CDIP1: variants seen among roughly 807,000 people sequenced by gnomAD.
CDIP1 encodes the protein cell death inducing p53 target 1.
In CDIP1, 9 loss-of-function variants were observed where a neutral mutation model predicts 17.7. That is an observed-to-expected ratio of 0.51 (90% CI 0.31 to 0.89). The LOEUF (loss-of-function observed/expected upper bound fraction) is 0.89, where lower values mean the gene tolerates loss of function less well. Among genes scored for constraint, CDIP1 ranks in the 40% least tolerant of loss-of-function variants. The pLI is 0.05. For synonymous variants in CDIP1, 117 were observed against 109.5 expected, an observed-to-expected ratio of 1.07 and a Z score of -0.43; for missense variants, 263 against 277.9, an observed-to-expected ratio of 0.95 and a Z score of 0.38.
At position 4,514,054 on chromosome 16, in the gene CDIP1, G is replaced by T; in HGVS notation, c.77C>A (p.Pro26His). 1.3e-6 allele frequency: 2 copies of T among 1,514,966 alleles called. No homozygotes were observed. Among genetic ancestry groups the T allele is most frequent in the Non-Finnish European group, 1.8e-6 (2 of 1,137,602 alleles). The allele number at this position is 1,514,966 out of a possible 1,614,324, so 93.8% of individuals were successfully genotyped here. A position where few individuals can be genotyped will look rare whatever the true frequency, so the allele number is the denominator to read the frequency against. The change falls in exon 3 of 6, where the codon CCC (proline) becomes CAC (histidine). Residue 26 changes from proline (P) to histidine (H), a missense_variant. Pro to His is a moderately conservative substitution (Grantham distance 77). Coordinates refer to ENST00000567695, the MANE Select transcript of CDIP1 (RefSeq NM_013399.3). The surrounding 1 kb of genome is among the most constrained non-coding windows in gnomAD (Gnocchi z 5.2). ...GAACAGTGACCCCCTACCTGGGGTG[G>T]GCGGGGCTCCACTTTTCTCTTCCAG... The part of the protein sequence containing the change: ...PLLEEKSGAP[P>H]TPGRSSPAVM...
At chr16:4,537,110 C>T (rs951226008) in intron 1 of CDIP1, among the ~76,000 whole-genome samples, 1 of 152,144 alleles carries the variant, frequency 6.6e-6, no homozygotes, top group African/African-American at 2.4e-5. Flanking sequence ...ACCCAATAAA[C>T]AACAATTCTA....
At chr16:4,536,150 T>G (rs1267257722) in intron 1 of CDIP1, among the ~76,000 whole-genome samples, 1 of 152,188 alleles carries the variant, frequency 6.6e-6, no homozygotes, top group Non-Finnish European at 1.5e-5. Context: ...TTAACTACCA[T>G]ATTTCCCTGT....
chr16:4,531,956 C>A (rs147766888), intron 1 of CDIP1, among the ~76,000 whole-genome samples: 11 of 152,368 alleles, frequency 7.2e-5, no homozygotes, highest in African/African-American at 2.2e-4. Flanking sequence ...GGACACAGAA[C>A]GTGCTGTTTC....
Position 4,521,956 on chromosome 16 carries a change from TTTA to T in CDIP1, c.-104-7295_-104-7293del, listed in dbSNP as rs2058954489. ...TAAATGGAAACTGCTATTATTATGC[TTTA>T]TTAGGCAACTTCCAACAGGGAGGAA... On this transcript the variant is annotated intron_variant, in intron 1 of 5. Transcript: ENST00000567695. Among the ~76,000 whole-genome samples, 2 of 152,188 alleles carry T rather than the reference TTTA, an allele frequency of 1.3e-5. 1 individual carries two copies. Among genetic ancestry groups the T allele is most frequent in the Admixed American group, 1.3e-4 (2 of 15,268 alleles).
At chr16:4,532,509 G>C (rs754913878) in intron 1 of CDIP1, 9 of 152,292 alleles carry the variant, frequency 5.9e-5, no homozygotes, top group African/African-American at 2.2e-4. Context: ...TGGGTGAGCC[G>C]GGTCCTCTGG....
At chr16:4,519,801 C>T (rs1211648718) in intron 1 of CDIP1, among the ~76,000 whole-genome samples, 1 of 151,910 alleles carries the variant, frequency 6.6e-6, no homozygotes, top group Admixed American at 6.6e-5. Flanking sequence ...TTCTCACCCC[C>T]TCTCTCGCCA....
chr16:4,537,314 T>C (rs542296535), intron 1 of CDIP1, among the ~76,000 whole-genome samples: 2 of 152,338 alleles, frequency 1.3e-5, no homozygotes, highest in African/African-American at 4.8e-5. Flanking sequence ...TTTGTATGTT[T>C]CACGTTTTTC....
At chr16:4,517,752 A>AC (rs1567414845) in intron 1 of CDIP1, among the ~76,000 whole-genome samples, 3 of 151,552 alleles carry the variant, frequency 2.0e-5, no homozygotes, top group African/African-American at 7.3e-5. Context: ...AAAAACAAAA[A>AC]AAAAAAAAAC....
chr16:4,535,471 G>A (rs1176208647), intron 1 of CDIP1, among the ~76,000 whole-genome samples: 2 of 152,230 alleles, frequency 1.3e-5, no homozygotes, highest in Non-Finnish European at 2.9e-5. Context: ...TGCAGGCTCT[G>A]TATTGGTTTT....
chr16:4,518,659 A>T (rs2058913103), intron 1 of CDIP1, among the ~76,000 whole-genome samples: 1 of 152,204 alleles, frequency 6.6e-6, no homozygotes, highest in Non-Finnish European at 1.5e-5. Context: ...GCTCATGAAG[A>T]TTTCCCGAAT....
intron 1 of CDIP1, among the ~76,000 whole-genome samples, chr16:4,527,141 G>A (rs1187964932): frequency 1.3e-5 from 2 of 151,362 alleles, no homozygotes; most frequent in Admixed American, 1.3e-4. Context: ...AGGCTGGAGT[G>A]CAGTGGCGGG....
At chr16:4,529,174 A>T (rs1389696559) in intron 1 of CDIP1, among the ~76,000 whole-genome samples, 1 of 152,148 alleles carries the variant, frequency 6.6e-6, no homozygotes, top group Non-Finnish European at 1.5e-5. Flanking sequence ...TGGTCAAATG[A>T]GTCAGTTCTG....
chr16:4,514,270 G>A lies in CDIP1; in HGVS notation c.-14-126C>T, dbSNP rs545230154. ...CCATCCTCAGAAGGGTCTGCCTCCA[G>A]GCACTGGGGATCCCCCACCTTTCCC... is the stretch of plus-strand genomic sequence containing the variant. On this transcript the variant is annotated intron_variant, in intron 2 of 5. Transcript: ENST00000567695. The surrounding 1 kb of genome is among the most constrained non-coding windows in gnomAD (Gnocchi z 5.2). 1.8e-4 allele frequency: 104 copies of A among 588,154 alleles called. No individual in the cohort carries two copies. In the South Asian group the frequency reaches 2.4e-3, roughly 14 times the overall value. 36.4% of individuals were successfully genotyped at this position (588,154 alleles called of 1,614,324 possible).
chr16:4,527,853 G>T (rs1388220098), intron 1 of CDIP1, among the ~76,000 whole-genome samples: 1 of 152,122 alleles, frequency 6.6e-6, no homozygotes, highest in Non-Finnish European at 1.5e-5. Context: ...TCTCGCTCTT[G>T]TTGCCCAGGC....
At chr16:4,518,188 T>C (rs1238128675) in intron 1 of CDIP1, among the ~76,000 whole-genome samples, 4 of 151,912 alleles carry the variant, frequency 2.6e-5, no homozygotes, top group Non-Finnish European at 5.9e-5. Context: ...ACACACCCCA[T>C]CTCTGAGAAT....
At chr16:4,525,366 G>C (rs1411250859) in intron 1 of CDIP1, among the ~76,000 whole-genome samples, 1 of 152,154 alleles carries the variant, frequency 6.6e-6, no homozygotes, top group Non-Finnish European at 1.5e-5. Context: ...GCTCATTTCA[G>C]CATGAGCACT....
intron 1 of CDIP1, chr16:4,523,915 C>T (rs1385841738): frequency 6.6e-6 from 1 of 152,308 alleles, no homozygotes; most frequent in Non-Finnish European, 1.5e-5. Flanking sequence ...ATCTCCAGGA[C>T]AAGGATGACA....
intron 1 of CDIP1, chr16:4,532,763 T>C (rs1381323686): frequency 6.6e-6 from 1 of 152,174 alleles, no homozygotes; most frequent in African/African-American, 2.4e-5. Context: ...AAATGCGTCA[T>C]GGTGTGGCCA....
At position 4,514,006 on chromosome 16, in the gene CDIP1, G is replaced by A. The variant is rs1288850562; in HGVS notation, c.85+40C>T. 1 of 1,376,970 alleles carries A rather than the reference G, an allele frequency of 7.3e-7. No individual in the cohort carries two copies. The highest frequency in any genetic ancestry group is 9.8e-7 in the Non-Finnish European group (1 of 1,020,444). 85.3% of individuals were successfully genotyped at this position (1,376,970 alleles called of 1,614,324 possible). ...AGTCCCAACCATGCCATGGCGGCAG[G>A]GGGCTGCAATATGGAGCCTCAGGAA... On this transcript the variant is annotated intron_variant, in intron 3 of 5. Transcript: ENST00000567695. The surrounding 1 kb of genome is among the most constrained non-coding windows in gnomAD (Gnocchi z 5.2).
Sources: allele counts gnomAD v4.1 joint callset (sites outside exome capture counted in the v4.1 genomes callset), GRCh38; gene constraint gnomAD v4.1.1; non-coding constraint Gnocchi (gnomAD v3.1); transcripts MANE v1.5; gene names NCBI Gene and HGNC (gene_info 2026-07-23, HGNC 2026-07-21).